OSBPL11: variants seen among roughly 807,000 people sequenced by gnomAD.
The protein encoded by OSBPL11 is oxysterol binding protein like 11, also known as oxysterol-binding protein-related protein 11.
Under a neutral mutation model 84.4 loss-of-function variants are expected in OSBPL11, and 33 were observed. The ratio of observed to expected loss-of-function variants is 0.39; its 90% CI spans 0.30 to 0.52. The LOEUF is 0.52. Among genes scored for constraint, OSBPL11 ranks in the 20% least tolerant of loss-of-function variants. The probability of loss-of-function intolerance (pLI) is 0.72; values close to 1 mark genes in which losing one functional copy is unlikely to be tolerated. For missense variants in OSBPL11, 736 were observed against 901.1 expected (o/e 0.82, Z 2.35); for synonymous variants, 276 against 310.2 (o/e 0.89, Z 1.16).
intron 1 of OSBPL11, among the ~76,000 whole-genome samples, chr3:125,587,753 C>A (rs1660863468): frequency 1.3e-5 from 2 of 151,982 alleles, no homozygotes; most frequent in Non-Finnish European, 2.9e-5. Context: ...GCCTGGGCAT[C>A]ACAGTGAGAT....
At chr3:125,556,033 G>A (rs768838094) in intron 8 of OSBPL11, among the ~76,000 whole-genome samples, 2 of 152,156 alleles carry the variant, frequency 1.3e-5, no homozygotes, top group Non-Finnish European at 2.9e-5. Flanking sequence ...GGGCAACACA[G>A]ACATTTCAGA....
intron 1 of OSBPL11, among the ~76,000 whole-genome samples, chr3:125,583,202 T>C (rs1469472859): frequency 6.6e-6 from 1 of 152,024 alleles, no homozygotes; most frequent in Non-Finnish European, 1.5e-5. Flanking sequence ...CCTCATAAAT[T>C]ATATATTATT....
intron 4 of OSBPL11, among the ~76,000 whole-genome samples, chr3:125,577,308 G>A (rs1379217350): frequency 1.3e-5 from 2 of 151,932 alleles, no homozygotes; most frequent in Admixed American, 6.6e-5. Context: ...TCTAACCTCA[G>A]ATTTCAAGTA....
intron 12 of OSBPL11, among the ~76,000 whole-genome samples, chr3:125,531,647 C>T (rs1935557682): frequency 6.6e-6 from 1 of 152,000 alleles, no homozygotes; most frequent in African/African-American, 2.4e-5. Flanking sequence ...ACTCTTCTTT[C>T]TTAGAATCTG....
chr3:125,586,219 G>A (rs1936508174), intron 1 of OSBPL11, among the ~76,000 whole-genome samples: 1 of 152,154 alleles, frequency 6.6e-6, no homozygotes, highest in Non-Finnish European at 1.5e-5. Flanking sequence ...CTATAAAATA[G>A]AAGTGATGGT....
chr3:125,564,749 G>A (rs1258500158), intron 6 of OSBPL11, among the ~76,000 whole-genome samples: 1 of 151,378 alleles, frequency 6.6e-6, no homozygotes, highest in Non-Finnish European at 1.5e-5. Flanking sequence ...CCACCTCCCA[G>A]GTTCAAGTGA....
chr3:125,533,801 T>C (rs1408625109), intron 11 of OSBPL11, among the ~76,000 whole-genome samples: 1 of 152,208 alleles, frequency 6.6e-6, no homozygotes, highest in Non-Finnish European at 1.5e-5. Context: ...AAATATTCAA[T>C]TGTAATTGGT....
chr3:125,534,493 G>A (rs1935610751), intron 11 of OSBPL11, among the ~76,000 whole-genome samples: 1 of 150,138 alleles, frequency 6.7e-6, no homozygotes, highest in African/African-American at 2.4e-5. Context: ...TCACCAAAAT[G>A]AAACTAAATT....
chr3:125,576,138 A>G, intron 5 of OSBPL11, 51 bp downstream of exon 5: 2 of 1,521,242 alleles, frequency 1.3e-6, no homozygotes, highest in African/African-American at 1.4e-5. Context: ...GACAAAACCA[A>G]GCAGGTAAAA....
intron 8 of OSBPL11, among the ~76,000 whole-genome samples, chr3:125,558,464 C>T (rs960418253): frequency 1.3e-5 from 2 of 152,180 alleles, no homozygotes; most frequent in South Asian, 4.2e-4. Flanking sequence ...TTTATTAATT[C>T]CTAAAATGTC....
intron 1 of OSBPL11, among the ~76,000 whole-genome samples, chr3:125,583,608 G>T (rs1040826772): frequency 7.7e-6 from 1 of 129,834 alleles, no homozygotes; most frequent in East Asian, 2.3e-4. Context: ...AAAAAAAAAA[G>T]GGCTGAGTGC....
intron 9 of OSBPL11, among the ~76,000 whole-genome samples, chr3:125,551,604 C>T (rs180928408): frequency 6.6e-6 from 1 of 151,930 alleles, no homozygotes; most frequent in Admixed American, 6.6e-5. Flanking sequence ...CCCCCCATCT[C>T]TACTAACAAT....
At chr3:125,583,788 G>T (rs990777246) in intron 1 of OSBPL11, among the ~76,000 whole-genome samples, 2 of 152,072 alleles carry the variant, frequency 1.3e-5, no homozygotes, top group African/African-American at 4.8e-5. Flanking sequence ...CTAGAGGAAA[G>T]AATTCTTCTG....
At chr3:125,580,071 TA>T in intron 2 of OSBPL11, 31 bp from the exon 3 acceptor site, 1 of 1,586,510 alleles carries the variant, frequency 6.3e-7, no homozygotes, top group Non-Finnish European at 8.6e-7. Flanking sequence ...CCATAATTTG[TA>T]AACATTTTCC....
intron 5 of OSBPL11, among the ~76,000 whole-genome samples, chr3:125,568,857 T>C (rs183728429): frequency 1.1e-4 from 17 of 152,368 alleles, no homozygotes; most frequent in Admixed American, 2.6e-4. Context: ...GGCTCTCTAA[T>C]GGACCATCCT....
At chr3:125,583,074 GCT>G in intron 1 of OSBPL11, 96 bp from the exon 2 acceptor site, 1 of 790,672 alleles carries the variant, frequency 1.3e-6, no homozygotes, top group Non-Finnish European at 2.0e-6. Context: ...ATACATATAT[GCT>G]CTATAAATGC....
intron 5 of OSBPL11, among the ~76,000 whole-genome samples, chr3:125,568,009 A>C (rs1936185967): frequency 6.6e-6 from 1 of 151,456 alleles, no homozygotes; most frequent in Non-Finnish European, 1.5e-5. Flanking sequence ...AAAAAAAAAA[A>C]GACATATTAG....
intron 11 of OSBPL11, among the ~76,000 whole-genome samples, chr3:125,535,575 CT>C (rs1318357387): frequency 6.6e-6 from 1 of 150,960 alleles, no homozygotes; most frequent in Non-Finnish European, 1.5e-5. Flanking sequence ...TCCCGAGTAG[CT>C]GAGACTACAG....
intron 8 of OSBPL11, among the ~76,000 whole-genome samples, chr3:125,557,773 T>A (rs1936012573): frequency 6.6e-6 from 1 of 151,270 alleles, no homozygotes; most frequent in South Asian, 2.1e-4. Context: ...GTAATATATG[T>A]GTAACACATA....
Sources: allele counts gnomAD v4.1 joint callset (sites outside exome capture counted in the v4.1 genomes callset), GRCh38; gene constraint gnomAD v4.1.1; transcripts MANE v1.5; gene names NCBI Gene and HGNC (gene_info 2026-07-23, HGNC 2026-07-21).